Variants in EPHA6 observed in about 807,000 individuals in gnomAD.
The protein encoded by EPHA6 is ephrin type-A receptor 6.
In EPHA6, 50 loss-of-function variants were observed where a neutral mutation model predicts 112.0. The ratio of observed to expected loss-of-function variants is 0.45; its 90% CI spans 0.36 to 0.56. The LOEUF (loss-of-function observed/expected upper bound fraction) is 0.56. Ranked by LOEUF, EPHA6 falls within the 20% of genes least tolerant of loss-of-function variation. The probability of loss-of-function intolerance (pLI) is 0.00; values close to 1 mark genes in which losing one functional copy is unlikely to be tolerated. For synonymous variants in EPHA6, 529 were observed against 490.7 expected, an observed-to-expected ratio of 1.08 and a Z score of -1.03; for missense variants, 1,280 against 1,417.4, an observed-to-expected ratio of 0.90 and a Z score of 1.56.
chr3:97,348,043 A>G (rs1226437403), intron 5 of EPHA6, among the ~76,000 whole-genome samples: 2 of 151,822 alleles, frequency 1.3e-5, no homozygotes, highest in African/African-American at 4.8e-5. Context: ...TTTTTTGGCA[A>G]CCCTCTTTTT....
At chr3:96,911,727 G>T (rs1296669923) in intron 2 of EPHA6, among the ~76,000 whole-genome samples, 4 of 151,892 alleles carry the variant, frequency 2.6e-5, no homozygotes. Context: ...GTAATACTTT[G>T]TCATTTAAAT....
At chr3:97,480,524 T>A (rs1233939497) in intron 9 of EPHA6, among the ~76,000 whole-genome samples, 35 of 150,744 alleles carry the variant, frequency 2.3e-4, no homozygotes, top group South Asian at 4.2e-4. Context: ...ACACAGCACA[T>A]GTTTCAGAGA....
At chr3:97,344,286 G>A (rs1283175802) in intron 5 of EPHA6, among the ~76,000 whole-genome samples, 2 of 152,120 alleles carry the variant, frequency 1.3e-5, no homozygotes, top group African/African-American at 2.4e-5. Flanking sequence ...GACTGGGGTG[G>A]AGTGCTATGG....
At chr3:96,982,620 C>A (rs1232935219) in intron 2 of EPHA6, among the ~76,000 whole-genome samples, 2 of 152,104 alleles carry the variant, frequency 1.3e-5, no homozygotes, top group Admixed American at 6.6e-5. Context: ...TGTTAACTTT[C>A]TGTCTCATTG....
intron 6 of EPHA6, among the ~76,000 whole-genome samples, chr3:97,414,840 A>G (rs1054420783): frequency 9.2e-5 from 14 of 152,172 alleles, no homozygotes; most frequent in African/African-American, 3.4e-4. Context: ...TGGACTTTTC[A>G]GAGAGATTCT....
At chr3:97,218,127 C>T (rs781042891) in intron 3 of EPHA6, among the ~76,000 whole-genome samples, 3 of 152,022 alleles carry the variant, frequency 2.0e-5, no homozygotes, top group Non-Finnish European at 2.9e-5. Flanking sequence ...CAAAAATTAG[C>T]TGGCATGGTG....
chr3:97,463,642 GTT>G (rs1461551790), intron 7 of EPHA6, among the ~76,000 whole-genome samples: 4 of 151,986 alleles, frequency 2.6e-5, no homozygotes, highest in African/African-American at 9.7e-5. Context: ...AAATACAAAA[GTT>G]TTTTGTTTGT....
chr3:97,679,773 G>A (rs2031713211), intron 14 of EPHA6, among the ~76,000 whole-genome samples: 1 of 152,074 alleles, frequency 6.6e-6, no homozygotes, highest in African/African-American at 2.4e-5. Context: ...GGACACCCTA[G>A]AAAGGGTTTT....
chr3:97,498,483 A>G (rs1560072554), intron 10 of EPHA6, among the ~76,000 whole-genome samples: 1 of 152,188 alleles, frequency 6.6e-6, no homozygotes, highest in Non-Finnish European at 1.5e-5. Flanking sequence ...CTAAGGAGAA[A>G]AAAATAAAGG....
At chr3:96,874,697 T>C (rs1321891925) in intron 2 of EPHA6, among the ~76,000 whole-genome samples, 2 of 152,116 alleles carry the variant, frequency 1.3e-5, no homozygotes, top group African/African-American at 4.8e-5. Flanking sequence ...GTTCAATGAC[T>C]GACCAGCTCC....
intron 7 of EPHA6, among the ~76,000 whole-genome samples, chr3:97,455,976 A>C (rs1353453848): frequency 6.6e-6 from 1 of 152,118 alleles, no homozygotes; most frequent in East Asian, 1.9e-4. Flanking sequence ...ATTAAAGATC[A>C]TAACTTTGCT....
At chr3:97,453,436 A>G (rs1398913731) in intron 7 of EPHA6, among the ~76,000 whole-genome samples, 1 of 151,742 alleles carries the variant, frequency 6.6e-6, no homozygotes, top group Non-Finnish European at 1.5e-5. Flanking sequence ...CGTAAATTTA[A>G]GTTTTCACCT....
chr3:97,403,068 T>G (rs1290112473), intron 5 of EPHA6, among the ~76,000 whole-genome samples: 1 of 150,440 alleles, frequency 6.6e-6, no homozygotes, highest in Non-Finnish European at 1.5e-5. Context: ...AGTTTTTATT[T>G]ACCTTAATAT....
chr3:97,268,698 T>C (rs906601971), intron 5 of EPHA6, among the ~76,000 whole-genome samples: 2 of 152,174 alleles, frequency 1.3e-5, no homozygotes, highest in Non-Finnish European at 2.9e-5. Context: ...TGATATGATT[T>C]ACTTATACTT....
chr3:97,633,405 T>C (rs2093920038), intron 13 of EPHA6, among the ~76,000 whole-genome samples: 1 of 152,082 alleles, frequency 6.6e-6, no homozygotes, highest in Admixed American at 6.6e-5. Context: ...GAAGAGACCA[T>C]ATGTCATAAA....
chr3:96,997,524 G>A (rs1239372244), intron 3 of EPHA6, among the ~76,000 whole-genome samples: 2 of 151,914 alleles, frequency 1.3e-5, no homozygotes, highest in African/African-American at 4.8e-5. Context: ...AGAGACCCAA[G>A]GAGACAGAGA....
intron 11 of EPHA6, among the ~76,000 whole-genome samples, chr3:97,533,970 C>A (rs1442800703): frequency 6.6e-6 from 1 of 152,064 alleles, no homozygotes; most frequent in Non-Finnish European, 1.5e-5. Context: ...TCCCATCAAC[C>A]CATAAATCAC....
At chr3:96,936,587 A>C (rs1235042796) in intron 2 of EPHA6, among the ~76,000 whole-genome samples, 1 of 150,248 alleles carries the variant, frequency 6.7e-6, no homozygotes, top group African/African-American at 2.4e-5. Flanking sequence ...TTTTTTGTTG[A>C]TGTTCTTTTT....
intron 3 of EPHA6, among the ~76,000 whole-genome samples, chr3:97,173,940 A>T (rs183090435): frequency 6.6e-6 from 1 of 151,772 alleles, no homozygotes; most frequent in Admixed American, 6.6e-5. Context: ...TATTAACTAC[A>T]GTCACCCTAT....
Sources: gnomAD v4.1 joint callset for allele counts (sites outside exome capture counted in the v4.1 genomes callset) on GRCh38, gnomAD v4.1.1 for gene constraint, MANE v1.5 for transcripts, NCBI Gene and HGNC (gene_info 2026-07-23, HGNC 2026-07-21) for gene names.